The following SLC39A9 variants were observed in gnomAD, a reference collection of about 807,000 sequenced individuals.
SLC39A9 encodes the protein zinc transporter ZIP9.
A neutral mutation model predicts 28.4 loss-of-function variants in SLC39A9; 14 were observed. That is an observed-to-expected ratio of 0.49 (90% CI 0.33 to 0.77). The LOEUF is 0.77. Ranked by LOEUF, SLC39A9 falls within the 30% of genes least tolerant of loss-of-function variation. The probability of loss-of-function intolerance (pLI) is 0.02; values close to 1 mark genes in which losing one functional copy is unlikely to be tolerated. For synonymous variants in SLC39A9, 119 were observed against 149.6 expected, an observed-to-expected ratio of 0.80 and a Z score of 1.49; for missense variants, 283 against 381.1, an observed-to-expected ratio of 0.74 and a Z score of 2.14.
At chr14:69,403,528 T>C (rs1882750350) in intron 1 of SLC39A9, among the ~76,000 whole-genome samples, 1 of 152,106 alleles carries the variant, frequency 6.6e-6, no homozygotes, top group Non-Finnish European at 1.5e-5. Context: ...TTTCAATCCA[T>C]ACCAATACAC....
At chr14:69,399,568 G>A (rs941828298) in intron 1 of SLC39A9, 103 bp downstream of exon 1, 5 of 812,890 alleles carry the variant, frequency 6.2e-6, no homozygotes, top group African/African-American at 3.5e-5. Flanking sequence ...AAAGCTGAAG[G>A]TCTCATTAAG....
intron 1 of SLC39A9, among the ~76,000 whole-genome samples, chr14:69,416,823 C>G (rs1307425133): frequency 5.3e-5 from 8 of 151,864 alleles, no homozygotes; most frequent in Non-Finnish European, 1.0e-4. Flanking sequence ...GGGGTTGTTT[C>G]ATTTTTTCTT....
At chr14:69,425,511 A>G (rs1362069541) in intron 2 of SLC39A9, among the ~76,000 whole-genome samples, 7 of 152,220 alleles carry the variant, frequency 4.6e-5, no homozygotes, top group Non-Finnish European at 1.5e-5. Context: ...TCTATTTTTA[A>G]CAAGCTGTCT....
At chr14:69,423,765 G>A (rs994047270) in intron 1 of SLC39A9, among the ~76,000 whole-genome samples, 1 of 152,062 alleles carries the variant, frequency 6.6e-6, no homozygotes, top group Non-Finnish European at 1.5e-5. Flanking sequence ...AGATGTGGTG[G>A]TGCACGCCTG....
At chr14:69,445,946 T>A (rs1885273935) in intron 3 of SLC39A9, among the ~76,000 whole-genome samples, 1 of 152,188 alleles carries the variant, frequency 6.6e-6, no homozygotes, top group Non-Finnish European at 1.5e-5. Flanking sequence ...TCAAGTAAAT[T>A]ATGAATGTAG....
chr14:69,441,775 G>A (rs1009884392), intron 2 of SLC39A9: 1 of 1,086,378 alleles, frequency 9.2e-7, no homozygotes, highest in Non-Finnish European at 1.1e-6. Flanking sequence ...TTTGGGGATG[G>A]TGTCCCTTTG....
intron 2 of SLC39A9, among the ~76,000 whole-genome samples, chr14:69,426,744 G>T (rs754406633): frequency 6.6e-6 from 1 of 152,198 alleles, no homozygotes; most frequent in African/African-American, 2.4e-5. Context: ...TGCTGTTGAG[G>T]CCTAACACAC....
chr14:69,412,314 G>A (rs1055416152), intron 1 of SLC39A9, among the ~76,000 whole-genome samples: 14 of 151,468 alleles, frequency 9.2e-5, no homozygotes, highest in Admixed American at 1.3e-4. Flanking sequence ...GCATGAACCC[G>A]GGAGGCGGAG....
At chr14:69,450,920 T>G (rs774491784) in intron 3 of SLC39A9, among the ~76,000 whole-genome samples, 13 of 152,268 alleles carry the variant, frequency 8.5e-5, no homozygotes, top group Admixed American at 1.3e-4. Context: ...ATGACCTGGT[T>G]TTACCTATTT....
At chr14:69,450,014 C>T (rs931895180) in intron 3 of SLC39A9, among the ~76,000 whole-genome samples, 1 of 151,842 alleles carries the variant, frequency 6.6e-6, no homozygotes, top group Non-Finnish European at 1.5e-5. Context: ...AGTGAAACCC[C>T]GTCTCTACTA....
In SLC39A9 at chr14:69,442,250, T is replaced by C. The variant is rs1203191439; in HGVS notation, c.387T>C (p.His129=). 9.9e-6 allele frequency: 16 copies of C among 1,614,172 alleles called. No homozygotes were observed. Among genetic ancestry groups the C allele is most frequent in the Non-Finnish European group, 1.4e-5 (16 of 1,180,026 alleles). ...MLLVDQIGNS[H]VHSTDDPEAA... is the part of the protein sequence containing the mutation. ...TGGTGGACCAGATTGGTAACTCCCATGTGCATTCTACTGACGGTGAGTGGC... is the reference window on the plus strand; with the variant it reads ...TGGTGGACCAGATTGGTAACTCCCACGTGCATTCTACTGACGGTGAGTGGC... Residue 129 remains histidine (H), a synonymous_variant, in exon 3 of 7, where the codon CAT becomes CAC. Transcript: ENST00000336643.
At chr14:69,428,721 A>C (rs1365551230) in intron 2 of SLC39A9, 1 of 152,578 alleles carries the variant, frequency 6.6e-6, no homozygotes. Flanking sequence ...AACCACATTC[A>C]AAGCAATGGC....
intron 1 of SLC39A9, among the ~76,000 whole-genome samples, chr14:69,423,796 G>A (rs980010210): frequency 2.0e-5 from 3 of 151,868 alleles, no homozygotes; most frequent in African/African-American, 7.3e-5. Context: ...TACCCGGGAG[G>A]CTGAGGCAGG....
Position 69,412,436 on chromosome 14 carries a change from A to G in SLC39A9, c.97-11658A>G, listed in dbSNP as rs147329893. 5.7e-3 allele frequency among the ~76,000 whole-genome samples: 855 copies of G among 148,740 alleles called. 8 individuals are homozygous for G. The highest frequency in any genetic ancestry group is 0.02 in the African/African-American group (812 of 40,054). The stretch of plus-strand genomic sequence containing the variant: ...AAATAAATAAATAAATAAATAAATA[A>G]ATGTATCTGCATGCCCCTTGAGTGA... On this transcript the variant is annotated intron_variant, in intron 1 of 6. Transcript: ENST00000336643.
chr14:69,419,163 C>T (rs1159506160), intron 1 of SLC39A9, among the ~76,000 whole-genome samples: 1 of 152,196 alleles, frequency 6.6e-6, no homozygotes, highest in Non-Finnish European at 1.5e-5. Flanking sequence ...CCTCTACACA[C>T]TGCTTTAAAT....
intron 1 of SLC39A9, among the ~76,000 whole-genome samples, chr14:69,407,230 A>G (rs187593872): frequency 1.1e-4 from 16 of 151,056 alleles, no homozygotes; most frequent in African/African-American, 3.6e-4. Context: ...CAAACTATCT[A>G]TTGCAAACCC....
intron 3 of SLC39A9, among the ~76,000 whole-genome samples, chr14:69,451,033 G>C (rs545090087): frequency 6.6e-6 from 1 of 152,200 alleles, no homozygotes; most frequent in East Asian, 1.9e-4. Context: ...TAATTTTAAA[G>C]CCTCTAATTG....
chr14:69,405,587 A>G (rs1395752475), intron 1 of SLC39A9, among the ~76,000 whole-genome samples: 11 of 152,186 alleles, frequency 7.2e-5, no homozygotes, highest in Admixed American at 3.3e-4. Flanking sequence ...CCTGTCTCAG[A>G]TGAATGAACG....
chr14:69,411,071 G>A lies in SLC39A9; in HGVS notation c.96+11606G>A, dbSNP rs370222870. On this transcript the variant is annotated intron_variant, in intron 1 of 6. Transcript: ENST00000336643. ...TACTAAAAATACAAAAATTAGCTGG[G>A]CATGATGGCACATGCCTGTAATCCC... Among the ~76,000 whole-genome samples, 9 of 152,100 alleles carry A rather than the reference G, an allele frequency of 5.9e-5. No homozygotes were observed. In the East Asian group the frequency reaches 1.5e-3, roughly 26 times the overall value.
Sources: gnomAD v4.1 joint callset for allele counts (sites outside exome capture counted in the v4.1 genomes callset) on GRCh38, gnomAD v4.1.1 for gene constraint, MANE v1.5 for transcripts, NCBI Gene and HGNC (gene_info 2026-07-23, HGNC 2026-07-21) for gene names.